Variants in MDGA2 observed in about 807,000 individuals in gnomAD.
The protein encoded by MDGA2 is MAM domain containing glycosylphosphatidylinositol anchor 2.
A neutral mutation model predicts 117.8 loss-of-function variants in MDGA2; 40 were observed. That is an observed-to-expected ratio of 0.34 (90% confidence interval 0.26 to 0.44). The LOEUF (loss-of-function observed/expected upper bound fraction) is 0.44. Ranked by LOEUF, MDGA2 falls within the 20% of genes least tolerant of loss-of-function variation. MDGA2 has a pLI of 1.00. For synonymous variants in MDGA2, 452 were observed against 439.0 expected, an observed-to-expected ratio of 1.03 and a Z score of -0.37; for missense variants, 1,123 against 1,250.6, an observed-to-expected ratio of 0.90 and a Z score of 1.54.
intron 1 of MDGA2, chr14:47,343,336 A>G (rs2138329724): frequency 1.1e-6 from 1 of 886,458 alleles, no homozygotes; most frequent in Middle Eastern, 5.5e-4. Flanking sequence ...TATGAACTGA[A>G]TACTCCCACA....
At chr14:46,849,753 A>G (rs1431487702) in intron 15 of MDGA2, among the ~76,000 whole-genome samples, 1 of 151,896 alleles carries the variant, frequency 6.6e-6, no homozygotes. Context: ...TCTAGTTTAA[A>G]GAGTTAAATT....
At chr14:47,661,926 A>G (rs1157277678) in intron 1 of MDGA2, among the ~76,000 whole-genome samples, 1 of 151,884 alleles carries the variant, frequency 6.6e-6, no homozygotes, top group Non-Finnish European at 1.5e-5. Context: ...TAGTAGAGAC[A>G]GGGTTTCCAC....
At chr14:47,400,907 A>G (rs1007459141) in intron 1 of MDGA2, among the ~76,000 whole-genome samples, 91 of 145,818 alleles carry the variant, frequency 6.2e-4, no homozygotes, top group Middle Eastern at 3.5e-3. Flanking sequence ...ACAGGCACCC[A>G]CCACCACGCC....
chr14:47,083,884 C>T (rs940478388), intron 6 of MDGA2, among the ~76,000 whole-genome samples: 3 of 151,728 alleles, frequency 2.0e-5, no homozygotes, highest in Non-Finnish European at 4.4e-5. Flanking sequence ...AATTGTAAAT[C>T]TGTATATACC....
chr14:46,982,873 G>C (rs548856711), intron 8 of MDGA2, among the ~76,000 whole-genome samples: 2 of 151,942 alleles, frequency 1.3e-5, no homozygotes, highest in South Asian at 2.1e-4. Context: ...GAGGGCATCC[G>C]TGTCTTGTGC....
intron 9 of MDGA2, among the ~76,000 whole-genome samples, chr14:46,934,181 CTT>C (rs1165692320): frequency 6.6e-6 from 1 of 151,944 alleles, no homozygotes; most frequent in Non-Finnish European, 1.5e-5. Flanking sequence ...TATCTATCCT[CTT>C]GTTTGTCTAT....
At chr14:47,077,386 T>C (rs1890534494) in intron 6 of MDGA2, among the ~76,000 whole-genome samples, 1 of 152,128 alleles carries the variant, frequency 6.6e-6, no homozygotes, top group African/African-American at 2.4e-5. Flanking sequence ...TACATGAACT[T>C]TATCATATGC....
intron 1 of MDGA2, among the ~76,000 whole-genome samples, chr14:47,387,603 C>T (rs182513345): frequency 6.6e-6 from 1 of 152,246 alleles, no homozygotes; most frequent in Admixed American, 6.5e-5. Context: ...AATTATGCTG[C>T]TTAGTAAATC....
chr14:47,502,583 C>A (rs975982384), intron 1 of MDGA2, among the ~76,000 whole-genome samples: 2 of 152,148 alleles, frequency 1.3e-5, no homozygotes, highest in African/African-American at 4.8e-5. Context: ...TTATTAAATA[C>A]TACACAAAGA....
intron 3 of MDGA2, among the ~76,000 whole-genome samples, chr14:47,193,306 T>C (rs1019098631): frequency 6.6e-6 from 1 of 152,174 alleles, no homozygotes; most frequent in Admixed American, 6.5e-5. Context: ...TTAATACTTG[T>C]CATCACATTG....
At chr14:46,849,598 G>T (rs1279356308) in intron 15 of MDGA2, among the ~76,000 whole-genome samples, 1 of 151,796 alleles carries the variant, frequency 6.6e-6, no homozygotes, top group African/African-American at 2.4e-5. Flanking sequence ...TTAAGCATTT[G>T]TAAAAATAAA....
At chr14:46,968,137 G>A (rs1886109870) in intron 8 of MDGA2, among the ~76,000 whole-genome samples, 1 of 152,178 alleles carries the variant, frequency 6.6e-6, no homozygotes, top group South Asian at 2.1e-4. Flanking sequence ...TGGTGCAGCT[G>A]GCCAAGGTGG....
At chr14:47,561,449 C>T (rs1034871690) in intron 1 of MDGA2, among the ~76,000 whole-genome samples, 4 of 151,868 alleles carry the variant, frequency 2.6e-5, no homozygotes, top group Admixed American at 6.6e-5. Context: ...CTCACCTCCC[C>T]GGTTAACTGT....
chr14:46,957,313 G>A, intron 9 of MDGA2, 61 bp downstream of exon 9: 1 of 1,499,650 alleles, frequency 6.7e-7, no homozygotes, highest in Non-Finnish European at 9.1e-7. Flanking sequence ...ATTGACATAG[G>A]TCTAAGATCT....
chr14:47,300,664 AT>A (rs1416346036), intron 2 of MDGA2, among the ~76,000 whole-genome samples: 14,099 of 141,070 alleles, frequency 0.1, 697 homozygotes, highest in Non-Finnish European at 0.11. Flanking sequence ...TAATTTTTTA[AT>A]TTTTTTTTTT....
rs1177913506 is a variant in MDGA2, at chr14:46,929,665, TTTC to T, written c.2090-9508_2090-9506del. Among the ~76,000 whole-genome samples, 64 of 93,540 alleles carry T rather than the reference TTTC, an allele frequency of 6.8e-4. 14 individuals are homozygous for T. The highest frequency in any genetic ancestry group is 3.7e-3 in the East Asian group (14 of 3,794). The allele number at this position is 93,540 out of a possible 152,430, so 61.4% of individuals were successfully genotyped here. A position where few individuals can be genotyped will look rare whatever the true frequency, so the allele number is the denominator to read the frequency against. On this transcript the variant is annotated intron_variant, in intron 9 of 16. Transcript: ENST00000399232. Reference sequence around the variant, plus strand: ...TATATATACATTTTTTTTTTTTTTTTTTCGAGATGGACTCTCACTCTGTCTCCC... The same window carrying T: ...TATATATACATTTTTTTTTTTTTTTTGAGATGGACTCTCACTCTGTCTCCC...
chr14:47,100,456 A>G (rs1447439908), intron 5 of MDGA2, among the ~76,000 whole-genome samples: 2 of 152,156 alleles, frequency 1.3e-5, no homozygotes, highest in East Asian at 1.9e-4. Context: ...TCATTACTAT[A>G]TAAGGTTAAA....
chr14:47,033,421 A>G (rs1221706248), intron 8 of MDGA2, among the ~76,000 whole-genome samples: 2 of 152,232 alleles, frequency 1.3e-5, no homozygotes, highest in Non-Finnish European at 2.9e-5. Context: ...AACTCGAAGC[A>G]GCTCAGAATT....
chr14:47,619,140 CACACACACACAGATACAT>C (rs1216960586), intron 1 of MDGA2, among the ~76,000 whole-genome samples: 1 of 133,036 alleles, frequency 7.5e-6, no homozygotes, highest in African/African-American at 2.5e-5. Context: ...CACACACACA[CACACACACACAGATACAT>C]TATCTACAAA....
Sources: allele counts gnomAD v4.1 joint callset (sites outside exome capture counted in the v4.1 genomes callset), GRCh38; gene constraint gnomAD v4.1.1; transcripts MANE v1.5; gene names NCBI Gene and HGNC (gene_info 2026-07-23, HGNC 2026-07-21).